Variants in PTGIS observed in about 807,000 individuals in gnomAD.
PTGIS encodes the protein prostacyclin synthase.
In PTGIS, 45 loss-of-function variants were observed where a neutral mutation model predicts 50.3. The observed-to-expected ratio is 0.90, with a 90% CI of 0.70 to 1.15. PTGIS has a LOEUF of 1.15. Ranked by LOEUF, PTGIS falls within the 50% of genes most tolerant of loss-of-function variation. The probability of loss-of-function intolerance (pLI) is 0.00; values close to 1 mark genes in which losing one functional copy is unlikely to be tolerated. For missense variants in PTGIS, 668 were observed against 661.3 expected, an observed-to-expected ratio of 1.01 and a Z score of -0.11; for synonymous variants, 260 against 267.7, an observed-to-expected ratio of 0.97 and a Z score of 0.28.
At chr20:49,521,302 G>A (rs1409875209) in intron 6 of PTGIS, among the ~76,000 whole-genome samples, 1 of 152,160 alleles carries the variant, frequency 6.6e-6, no homozygotes, top group Admixed American at 6.5e-5. Flanking sequence ...CAGGCTGGGA[G>A]GTCACAGAGC....
chr20:49,530,853 G>A (rs961442780), intron 5 of PTGIS, among the ~76,000 whole-genome samples: 1 of 152,066 alleles, frequency 6.6e-6, no homozygotes, highest in Non-Finnish European at 1.5e-5. Context: ...TCCACCTCCC[G>A]GGTTCAAGCA....
chr20:49,509,881 C>CTTTTTTTTT (rs11337451), intron 9 of PTGIS, among the ~76,000 whole-genome samples: 69 of 93,362 alleles, frequency 7.4e-4, no homozygotes, highest in East Asian at 1.1e-3. Context: ...TTCTTTCTTT[C>CTTTTTTTTT]TTTTTTTTTT....
intron 1 of PTGIS, among the ~76,000 whole-genome samples, chr20:49,553,011 A>C (rs1009454712): frequency 3.9e-5 from 6 of 152,288 alleles, no homozygotes; most frequent in Non-Finnish European, 7.4e-5. Context: ...TATCAGAAAA[A>C]TAGAAACTTT....
chr20:49,562,869 G>T (rs543245588), intron 1 of PTGIS, among the ~76,000 whole-genome samples: 1 of 152,124 alleles, frequency 6.6e-6, no homozygotes, highest in Non-Finnish European at 1.5e-5. Context: ...CTGACGTATC[G>T]CATCTTCACT....
chr20:49,513,291 G>A, intron 7 of PTGIS, 30 bp from the exon 8 acceptor site: 1 of 1,606,218 alleles, frequency 6.2e-7, no homozygotes, highest in Non-Finnish European at 8.5e-7. Flanking sequence ...GGAAGAGTCA[G>A]CGGGCTATCC....
At chr20:49,563,467 C>T (rs998886283) in intron 1 of PTGIS, among the ~76,000 whole-genome samples, 2 of 152,210 alleles carry the variant, frequency 1.3e-5, no homozygotes, top group African/African-American at 4.8e-5. Context: ...ACAGTGGTAA[C>T]TAGAATAGCT....
intron 6 of PTGIS, among the ~76,000 whole-genome samples, chr20:49,516,789 T>A (rs1006180906): frequency 7.2e-5 from 11 of 152,194 alleles, no homozygotes; most frequent in African/African-American, 2.7e-4. Context: ...CCCCGGTCAC[T>A]ACCCACTGCC....
At position 49,506,402 on chromosome 20, in the gene PTGIS, G is replaced by C. The variant is rs1981152266; in HGVS notation, c.*1518C>G. ...AATTAATTATTTATTTATTGAGACAGAGTCTTGCTCTGTCGCCCAGGCTGG... is the reference window on the plus strand; with the variant it reads ...AATTAATTATTTATTTATTGAGACACAGTCTTGCTCTGTCGCCCAGGCTGG... On this transcript the variant is annotated 3_prime_UTR_variant, in exon 10 of 10. Transcript: ENST00000244043. 6.6e-6 allele frequency: 1 copy of C among 152,188 alleles called. No homozygotes were observed. The highest frequency in any genetic ancestry group is 1.5e-5 in the Non-Finnish European group (1 of 68,032). The allele number at this position is 152,188 out of a possible 1,614,324, so 9.4% of individuals were successfully genotyped here.
Position 49,531,293 on chromosome 20 carries a change from A to G in PTGIS, c.674-7054T>C, listed in dbSNP as rs188751119. Among the ~76,000 whole-genome samples the G allele has an allele frequency of 2.6e-3, 391 of 152,308 alleles. 2 individuals carry two copies. The highest frequency in any genetic ancestry group is 0.017 in the Middle Eastern group (5 of 294). ...TTCAGTGCATATGGGAGTGAGGAAG[A>G]GAAGATTCTGGAAAACTGAGCTTGG... is the stretch of plus-strand genomic sequence containing the variant. On this transcript the variant is annotated intron_variant, in intron 5 of 9. Coordinates refer to ENST00000244043, the MANE Select transcript of PTGIS (RefSeq NM_000961.4).
chr20:49,536,478 C>CTTTTTTTTTTTTTTTTTTTTTT (rs761478359), intron 5 of PTGIS, among the ~76,000 whole-genome samples: 1 of 108,664 alleles, frequency 9.2e-6, no homozygotes, highest in Non-Finnish European at 1.8e-5. Flanking sequence ...TTCTTTCTTT[C>CTTTTTTTTTTTTTTTTTTTTTT]TTTTTTTTTT....
At position 49,568,120 on chromosome 20, in the gene PTGIS, G is replaced by A. The variant is rs759839574; in HGVS notation, c.-4C>T. The A allele has an allele frequency of 2.8e-6, 3 of 1,052,760 alleles. No individual in the cohort carries two copies. Among genetic ancestry groups the A allele is most frequent in the Admixed American group, 4.3e-5 (1 of 23,396 alleles). The allele number at this position is 1,052,760 out of a possible 1,614,324, so 65.2% of individuals were successfully genotyped here. The stretch of plus-strand genomic sequence containing the variant: ...CGAGGAGCGCGGCCCAAGCCATCGC[G>A]GGGCTGGCGGGGCTGGCGGGGCTGG... On this transcript the variant is annotated 5_prime_UTR_variant, in exon 1 of 10. Transcript: ENST00000244043.
At chr20:49,535,351 G>A (rs1982041716) in intron 5 of PTGIS, among the ~76,000 whole-genome samples, 1 of 152,148 alleles carries the variant, frequency 6.6e-6, no homozygotes, top group South Asian at 2.1e-4. Flanking sequence ...CTTCTAAGAA[G>A]TGGGCAGAGA....
chr20:49,554,617 C>T (rs1254372262), intron 1 of PTGIS, among the ~76,000 whole-genome samples: 1 of 152,118 alleles, frequency 6.6e-6, no homozygotes, highest in Non-Finnish European at 1.5e-5. Context: ...TATTCAACCT[C>T]TCTAGGCCCA....
At chr20:49,523,147 AAAC>A (rs1981696707) in intron 6 of PTGIS, among the ~76,000 whole-genome samples, 1 of 152,252 alleles carries the variant, frequency 6.6e-6, no homozygotes, top group East Asian at 1.9e-4. Context: ...ACAACTGGCA[AAAC>A]TGGAATACAG....
intron 3 of PTGIS, among the ~76,000 whole-genome samples, chr20:49,547,601 G>T (rs985642556): frequency 2.1e-5 from 3 of 140,886 alleles, no homozygotes; most frequent in Non-Finnish European, 4.4e-5. Context: ...AATCAGGGCT[G>T]CCTCCAAACA....
chr20:49,541,757 A>C (rs1268037880), intron 4 of PTGIS, among the ~76,000 whole-genome samples: 1 of 152,184 alleles, frequency 6.6e-6, no homozygotes, highest in Admixed American at 6.5e-5. Context: ...AATAAAATGA[A>C]GGAAAAGAAA....
intron 1 of PTGIS, among the ~76,000 whole-genome samples, chr20:49,567,380 G>A (rs1225632588): frequency 6.6e-6 from 1 of 152,188 alleles, no homozygotes; most frequent in Non-Finnish European, 1.5e-5. Context: ...TGGGACCTCA[G>A]GGGAAGGTAG....
At chr20:49,555,355 A>G (rs1471551839) in intron 1 of PTGIS, among the ~76,000 whole-genome samples, 1 of 152,196 alleles carries the variant, frequency 6.6e-6, no homozygotes, top group Non-Finnish European at 1.5e-5. Flanking sequence ...TTATTTTACA[A>G]TAACCTGTGA....
In PTGIS at chr20:49,550,176, G is replaced by A. The variant is rs762637501; in HGVS notation, c.88C>T (p.Pro30Ser). ...SRRRTRRPGE[P>S]PLDLGSIPWL... Reference sequence around the variant, plus strand: ...GGGATGCTGCCCAGGTCCAGGGGAGGCTCACCAGGTCGCCTACAGAAGCCA... The same window carrying A: ...GGGATGCTGCCCAGGTCCAGGGGAGACTCACCAGGTCGCCTACAGAAGCCA... The change falls in exon 2 of 10, where the codon CCT becomes TCT. Residue 30 changes from proline to serine, a missense_variant. By Grantham distance (74) the Pro-to-Ser change is moderately conservative. Coordinates refer to ENST00000244043, the MANE Select transcript of PTGIS (RefSeq NM_000961.4). 2.8e-5 allele frequency: 45 copies of A among 1,613,060 alleles called. No homozygotes were observed. The East Asian group carries it at 9.6e-4, about 34-fold the overall frequency.
Sources: allele counts gnomAD v4.1 joint callset (sites outside exome capture counted in the v4.1 genomes callset), GRCh38; gene constraint gnomAD v4.1.1; transcripts MANE v1.5; gene names NCBI Gene and HGNC (gene_info 2026-07-23, HGNC 2026-07-21).